The following KDM5B variants were observed in gnomAD, a reference collection of about 807,000 sequenced individuals.
The protein encoded by KDM5B is lysine demethylase 5B.
In KDM5B, 144 loss-of-function variants were observed where a neutral mutation model predicts 193.4. The observed-to-expected ratio is 0.74, with a 90% confidence interval of 0.65 to 0.86. The LOEUF (loss-of-function observed/expected upper bound fraction) is 0.86, where lower values mean the gene tolerates loss of function less well. Ranked by LOEUF, KDM5B falls within the 40% of genes least tolerant of loss-of-function variation. The pLI, the probability that KDM5B is intolerant of heterozygous loss-of-function variation, is 0.00. For missense variants in KDM5B, 1,833 were observed against 1,886.9 expected (o/e 0.97, Z 0.53); for synonymous variants, 668 against 682.6 (o/e 0.98, Z 0.33).
rs779481317 is a variant in KDM5B, at chr1:202,733,280, G to C, written c.3909+121C>G. The C allele has an allele frequency of 3.4e-4, 352 of 1,038,938 alleles. 1 individual carries two copies. The highest frequency in any genetic ancestry group is 8.4e-4 in the Admixed American group (34 of 40,666). 64.4% of individuals were successfully genotyped at this position (1,038,938 alleles called of 1,614,324 possible). ...TGAAGTGGGAAGCTACAGGTAAAGT[G>C]GGTGCTGTTAACAGTAAAGTGATCA... On this transcript the variant is annotated intron_variant, in intron 23 of 26. Coordinates refer to ENST00000367265, the MANE Select transcript of KDM5B (RefSeq NM_006618.5).
intron 2 of KDM5B, 99 bp downstream of exon 2, chr1:202,776,918 T>C: frequency 1.2e-6 from 1 of 819,244 alleles, no homozygotes; most frequent in Admixed American, 2.0e-5. Flanking sequence ...TAAAAACAGA[T>C]TTACAATGGT....
intron 4 of KDM5B, among the ~76,000 whole-genome samples, chr1:202,771,700 G>A (rs1656726925): frequency 1.3e-5 from 2 of 151,984 alleles, no homozygotes; most frequent in Admixed American, 1.3e-4. Flanking sequence ...TCCTGCCCCA[G>A]CCTCCCAAGT....
intron 10 of KDM5B, 114 bp from the exon 11 acceptor site, chr1:202,755,566 G>C: frequency 4.8e-6 from 4 of 826,568 alleles, no homozygotes; most frequent in East Asian, 2.6e-5. Flanking sequence ...GGAAGAGGAG[G>C]GGCCACCATG....
At chr1:202,798,563 C>CA (rs920413973) in intron 1 of KDM5B, among the ~76,000 whole-genome samples, 23 of 152,032 alleles carry the variant, frequency 1.5e-4, no homozygotes, top group Admixed American at 9.2e-4. Context: ...ACCATCTCTA[C>CA]AAAAAAATTT....
chr1:202,778,236 A>C (rs1657044185), intron 1 of KDM5B, among the ~76,000 whole-genome samples: 1 of 152,150 alleles, frequency 6.6e-6, no homozygotes, highest in Non-Finnish European at 1.5e-5. Flanking sequence ...TCTAGAGGAG[A>C]ATTTTCCTAT....
Position 202,749,007 on chromosome 1 carries a change from G to C in KDM5B, c.1954C>G (p.Gln652Glu). 1.2e-6 allele frequency: 2 copies of C among 1,613,848 alleles called. No homozygotes were observed. Among genetic ancestry groups the C allele is most frequent in the Non-Finnish European group, 1.7e-6 (2 of 1,179,908 alleles). ...TCAATCATAATGGCCATGTCTTTCTGAACAGTTGAAGCCACTACAACATCT... is the reference window on the plus strand; with the variant it reads ...TCAATCATAATGGCCATGTCTTTCTCAACAGTTGAAGCCACTACAACATCT... ...VLDVVVASTV[Q>E]KDMAIMIEDE... is the part of the protein sequence containing the mutation. Residue 652 changes from glutamine to glutamate, a missense_variant, in exon 14 of 27, where the codon CAG (glutamine) becomes GAG (glutamate). Transcript: ENST00000367265.
At position 202,742,811 on chromosome 1, in the gene KDM5B, A is replaced by G. The variant is rs147421436; in HGVS notation, c.2324-6T>C. On this transcript the variant is annotated splice_polypyrimidine_tract_variant and splice_region_variant and intron_variant, in intron 16 of 26. Transcript: ENST00000367265. ...AGCCTTGAAGCTGACAAGGCCTAGG[A>G]ATGAAGAAAAAAGTCATATTTTCTG... 1 of 1,610,910 alleles carries G rather than the reference A, an allele frequency of 6.2e-7. No homozygotes were observed. The highest frequency in any genetic ancestry group is 1.3e-5 in the African/African-American group (1 of 74,786).
rs1308191155 is a variant in KDM5B, at chr1:202,724,658, T to G, written c.*4378A>C. The G allele has an allele frequency of 2.0e-5, 3 of 152,236 alleles. No individual in the cohort carries two copies. The highest frequency in any genetic ancestry group is 4.4e-5 in the Non-Finnish European group (3 of 68,050). 9.4% of individuals were successfully genotyped at this position (152,236 alleles called of 1,614,324 possible). ...ATACATATTTATGATTTAGGTTAAA[T>G]ATATCTTTCTCATCCAATAATTTAA... On this transcript the variant is annotated 3_prime_UTR_variant, in exon 27 of 27. Coordinates refer to ENST00000367265, the MANE Select transcript of KDM5B (RefSeq NM_006618.5).
chr1:202,748,761 T>A (rs776870436), intron 14 of KDM5B, among the ~76,000 whole-genome samples, 184 bp downstream of exon 14: 1 of 152,074 alleles, frequency 6.6e-6, no homozygotes, highest in African/African-American at 2.4e-5. Context: ...AAGAGACATA[T>A]GTACATGTGG....
chr1:202,735,463 C>T lies in KDM5B; in HGVS notation c.3389G>A (p.Arg1130Lys). The T allele has an allele frequency of 6.2e-7, 1 of 1,614,094 alleles. No individual in the cohort carries two copies. The highest frequency in any genetic ancestry group is 8.5e-7 in the Non-Finnish European group (1 of 1,179,972). The change falls in exon 22 of 27, where the codon AGA becomes AAA. Residue 1130 changes from arginine to lysine, a missense_variant. Physicochemically the swap from Arg to Lys is conservative, Grantham distance 26. Coordinates refer to ENST00000367265, the MANE Select transcript of KDM5B (RefSeq NM_006618.5). ...AGTCTCCTTGCTTTCAGTTAAAGCT[C>T]TCTCCAGGTCACTCAGACTCTCTAA... ...TKLESLSDLERALTESKETAS... is the reference protein window; with the variant it reads ...TKLESLSDLEKALTESKETAS...
At chr1:202,766,463 G>A (rs758715813) in intron 5 of KDM5B, 13 of 408,722 alleles carry the variant, frequency 3.2e-5, no homozygotes, top group Admixed American at 1.6e-4. Flanking sequence ...CCAAGATCGC[G>A]CCACTGCACT....
In KDM5B at chr1:202,735,550, A is replaced by G. The variant is rs1186767834; in HGVS notation, c.3302T>C (p.Leu1101Ser). ...CTTTAACTTTCTCTGCTTCCTTTTC[A>G]ATCCCAAAAGGCCAATATCACATCG... ...CPRCDIGLLG[L>S]KRKQRKLKEP... Residue 1101 changes from leucine to serine, a missense_variant, in exon 22 of 27, where the codon TTG becomes TCG. Around this residue, in one of 3 missense-constraint regions of KDM5B, gnomAD observed 1,379 missense variants for 1,349.6 expected, o/e 1.02. Coordinates refer to ENST00000367265, the MANE Select transcript of KDM5B (RefSeq NM_006618.5). The G allele has an allele frequency of 1.9e-6, 3 of 1,613,938 alleles. No homozygotes were observed. The highest frequency in any genetic ancestry group is 2.2e-5 in the South Asian group (2 of 91,078).
At chr1:202,803,551 C>T (rs923737186) in intron 1 of KDM5B, among the ~76,000 whole-genome samples, 3 of 151,356 alleles carry the variant, frequency 2.0e-5, no homozygotes, top group East Asian at 2.0e-4. Flanking sequence ...GGCCTAGGTG[C>T]GGTGGCTCAC....
intron 1 of KDM5B, among the ~76,000 whole-genome samples, chr1:202,804,840 G>C (rs544921962): frequency 1.2e-4 from 18 of 144,056 alleles, no homozygotes; most frequent in Non-Finnish European, 2.6e-4. Flanking sequence ...CTCCAGGCCT[G>C]GGCAACAAGA....
chr1:202,779,844 T>TAAAAAAAA (rs571022585), intron 1 of KDM5B, among the ~76,000 whole-genome samples: 4 of 145,854 alleles, frequency 2.7e-5, no homozygotes, highest in African/African-American at 1.0e-4. Context: ...AATAAATAAA[T>TAAAAAAAA]AAAAAATAAA....
At chr1:202,777,119 T>C in intron 1 of KDM5B, 25 bp from the exon 2 acceptor site, 3 of 1,547,412 alleles carry the variant, frequency 1.9e-6, no homozygotes, top group Non-Finnish European at 2.7e-6. Context: ...AGGCTCTTAT[T>C]AGAATAACTT....
At chr1:202,796,472 G>T (rs775660865) in intron 1 of KDM5B, 8 of 216,444 alleles carry the variant, frequency 3.7e-5, no homozygotes, top group Admixed American at 5.6e-5. Context: ...GCCTGCCTGT[G>T]TGGCTGAGCC....
intron 1 of KDM5B, among the ~76,000 whole-genome samples, chr1:202,786,632 G>A (rs1023633732): frequency 6.6e-5 from 10 of 152,216 alleles, no homozygotes; most frequent in African/African-American, 2.4e-4. Context: ...GCCATTTCCT[G>A]TGTGCCCACT....
In KDM5B at chr1:202,746,272, G is replaced by A. The variant is rs1338574647; in HGVS notation, c.2068C>T (p.Arg690Cys). Residue 690 changes from arginine to cysteine, a missense_variant, in exon 15 of 27, where the codon CGT becomes TGT. This residue lies in a region of KDM5B where 1,379 missense variants were observed against 1,349.6 expected (regional missense o/e 1.02). Coordinates refer to ENST00000367265, the MANE Select transcript of KDM5B (RefSeq NM_006618.5). The part of the protein sequence containing the change: ...MDFELLPDDE[R>C]QCVKCKTTCF... ...GTAGTTTTGCATTTTACACACTGAC[G>A]TTCATCATCTGGCAACAGCTCAAAA... 8.7e-6 allele frequency: 14 copies of A among 1,613,154 alleles called. No individual in the cohort carries two copies. Among genetic ancestry groups the A allele is most frequent in the Admixed American group, 1.7e-5 (1 of 59,754 alleles).
Sources: gnomAD v4.1 joint callset for allele counts (sites outside exome capture counted in the v4.1 genomes callset) on GRCh38, gnomAD v4.1.1 for gene constraint, gnomAD v4.1.1 regional missense constraint, MANE v1.5 for transcripts, NCBI Gene and HGNC (gene_info 2026-07-23, HGNC 2026-07-21) for gene names.